The following KLF12 variants were observed in gnomAD, a reference collection of about 807,000 sequenced individuals.
KLF12 encodes Krueppel-like factor 12.
In KLF12, 9 loss-of-function variants were observed where a neutral mutation model predicts 37.8. That is an observed-to-expected ratio of 0.24 (90% confidence interval 0.14 to 0.42). KLF12 has a LOEUF of 0.42. Ranked by LOEUF, KLF12 falls within the 10% of genes least tolerant of loss-of-function variation. The pLI, the probability that KLF12 is intolerant of heterozygous loss-of-function variation, is 1.00. For synonymous variants in KLF12, 208 were observed against 202.1 expected, an observed-to-expected ratio of 1.03 and a Z score of -0.25; for missense variants, 411 against 516.0, an observed-to-expected ratio of 0.80 and a Z score of 1.97.
intron 3 of KLF12, among the ~76,000 whole-genome samples, chr13:73,924,778 CTG>C (rs1472764999): frequency 2.0e-5 from 3 of 152,178 alleles, no homozygotes; most frequent in African/African-American, 7.2e-5. Context: ...AATAGCCACA[CTG>C]TGAATGAAAA....
At chr13:73,873,499 G>A (rs1369237904) in intron 3 of KLF12, among the ~76,000 whole-genome samples, 1 of 152,082 alleles carries the variant, frequency 6.6e-6, no homozygotes, top group Non-Finnish European at 1.5e-5. Context: ...AAGCAACTTA[G>A]ATAGTAATGC....
intron 1 of KLF12, among the ~76,000 whole-genome samples, chr13:74,031,979 A>T (rs1283570497): frequency 6.6e-6 from 1 of 152,122 alleles, no homozygotes; most frequent in Non-Finnish European, 1.5e-5. Context: ...AAATTCCTTC[A>T]CTGAGGTGGG....
At chr13:73,702,429 A>C (rs1446533585) in intron 7 of KLF12, among the ~76,000 whole-genome samples, 1 of 152,198 alleles carries the variant, frequency 6.6e-6, no homozygotes, top group Admixed American at 6.5e-5. Context: ...TGAAATGCTG[A>C]AAGGTACATG....
At chr13:74,105,721 T>C (rs971285002) in intron 1 of KLF12, among the ~76,000 whole-genome samples, 29 of 152,162 alleles carry the variant, frequency 1.9e-4, no homozygotes, top group African/African-American at 6.8e-4. Flanking sequence ...ATGGAGGACC[T>C]TTCCCATGAA....
At chr13:74,147,624 C>T in the KLF12 span, among the ~76,000 whole-genome samples, 34 of 152,202 alleles carry the variant, frequency 2.2e-4, no homozygotes, top group African/African-American at 8.0e-4. Flanking sequence ...ACTCCTGCAA[C>T]ATTCCCTAGT....
chr13:73,978,633 C>T lies in KLF12; in HGVS notation c.33+16357G>A, dbSNP rs560683267. On this transcript the variant is annotated intron_variant, in intron 2 of 7. Transcript: ENST00000377669. ...TTTTTAACCTCCCAAAGTCCAGGTT[C>T]CAGGCTTAATGATCTAGTAATCTTA... is the stretch of plus-strand genomic sequence containing the variant. 2.6e-5 allele frequency among the ~76,000 whole-genome samples: 4 copies of T among 152,222 alleles called. No individual in the cohort carries two copies. In the South Asian group the frequency reaches 8.3e-4, roughly 32 times the overall value.
rs564480643 is a variant in KLF12, at chr13:73,855,285, T to C, written c.124-8912A>G. Among the ~76,000 whole-genome samples the C allele has an allele frequency of 3.3e-5, 5 of 152,302 alleles. No homozygotes were observed. The South Asian group carries it at 6.2e-4, about 19-fold the overall frequency. On this transcript the variant is annotated intron_variant, in intron 3 of 7. Coordinates refer to ENST00000377669, the MANE Select transcript of KLF12 (RefSeq NM_007249.5). ...TACCCAGAGTCTATAGTTGCCATCTTGGTGTCCATGTGTACTCAATGTTTA... is the reference window on the plus strand; with the variant it reads ...TACCCAGAGTCTATAGTTGCCATCTCGGTGTCCATGTGTACTCAATGTTTA...
intron 6 of KLF12, among the ~76,000 whole-genome samples, chr13:73,749,446 A>T (rs1036451420): frequency 1.4e-4 from 22 of 152,178 alleles, no homozygotes; most frequent in Non-Finnish European, 2.6e-4. Context: ...TACACAAGAG[A>T]CAAAAAGCCA....
At chr13:74,207,702 G>A in the KLF12 span, among the ~76,000 whole-genome samples, 1 of 151,822 alleles carries the variant, frequency 6.6e-6, no homozygotes, top group Non-Finnish European at 1.5e-5. Flanking sequence ...AACAAAAAAA[G>A]TTTCAGGTCA....
chr13:73,752,989 T>A (rs1878891117), intron 6 of KLF12, among the ~76,000 whole-genome samples: 1 of 151,904 alleles, frequency 6.6e-6, no homozygotes, highest in Non-Finnish European at 1.5e-5. Flanking sequence ...CCTGACCTTG[T>A]GATCGACCCG....
rs143309137 is a variant in KLF12 at position 73,740,755 on chromosome 13, C to T, written c.869+24183G>A. On this transcript the variant is annotated intron_variant, in intron 6 of 7. Coordinates refer to ENST00000377669, the MANE Select transcript of KLF12 (RefSeq NM_007249.5). ...GCAGGAATCAGGGAAAGCATTCTTCCGACACCCTCTAGGAGTCCTGCGGGG... is the reference window on the plus strand; with the variant it reads ...GCAGGAATCAGGGAAAGCATTCTTCTGACACCCTCTAGGAGTCCTGCGGGG... Among the ~76,000 whole-genome samples the T allele has an allele frequency of 4.3e-4, 66 of 152,254 alleles. 1 individual carries two copies. The highest frequency in any genetic ancestry group is 3.9e-3 in the Admixed American group (60 of 15,294).
intron 5 of KLF12, chr13:73,801,041 T>C (rs1882255395): frequency 6.6e-6 from 1 of 152,216 alleles, no homozygotes; most frequent in African/African-American, 2.4e-5. Context: ...GTAAAGGAGA[T>C]GGCAAAATAT....
the KLF12 span, among the ~76,000 whole-genome samples, chr13:74,220,403 G>T: frequency 6.6e-6 from 1 of 151,990 alleles, no homozygotes; most frequent in African/African-American, 2.4e-5. Flanking sequence ...TTTATTTATT[G>T]TTTTAATTGA....
At chr13:74,304,848 T>C in the KLF12 span, among the ~76,000 whole-genome samples, 43 of 152,162 alleles carry the variant, frequency 2.8e-4, no homozygotes, top group African/African-American at 1.0e-3. Flanking sequence ...CTATCAGACA[T>C]CAAGTTCTAC....
chr13:73,986,435 G>A (rs1891829992), intron 2 of KLF12, among the ~76,000 whole-genome samples: 1 of 152,114 alleles, frequency 6.6e-6, no homozygotes, highest in Non-Finnish European at 1.5e-5. Flanking sequence ...AGCAAAATGA[G>A]AATTCTTTCA....
At chr13:73,821,005 G>A (rs2138502077) in intron 4 of KLF12, among the ~76,000 whole-genome samples, 1 of 152,314 alleles carries the variant, frequency 6.6e-6, no homozygotes, top group East Asian at 1.9e-4. Flanking sequence ...CATCTTTAGT[G>A]CTACAAAACA....
chr13:73,750,943 T>C (rs1878710752), intron 6 of KLF12, among the ~76,000 whole-genome samples: 1 of 152,174 alleles, frequency 6.6e-6, no homozygotes, highest in African/African-American at 2.4e-5. Context: ...GCAAAGGGCC[T>C]CATACGTAGT....
At chr13:73,866,584 A>T (rs973860594) in intron 3 of KLF12, among the ~76,000 whole-genome samples, 7 of 152,176 alleles carry the variant, frequency 4.6e-5, no homozygotes, top group Non-Finnish European at 1.0e-4. Flanking sequence ...ATAAAAAAAA[A>T]TAAAACAATT....
intron 2 of KLF12, among the ~76,000 whole-genome samples, chr13:73,965,136 C>G (rs916182749): frequency 1.3e-5 from 2 of 151,998 alleles, no homozygotes; most frequent in African/African-American, 4.8e-5. Flanking sequence ...AGTCAAAAGC[C>G]TTTACCTTAG....
Sources: gnomAD v4.1 joint callset for allele counts (sites outside exome capture counted in the v4.1 genomes callset) on GRCh38, gnomAD v4.1.1 for gene constraint, MANE v1.5 for transcripts, NCBI Gene and HGNC (gene_info 2026-07-23, HGNC 2026-07-21) for gene names.